Variants in HERC3 observed in about 807,000 individuals in gnomAD.
HERC3 encodes probable E3 ubiquitin-protein ligase HERC3.
HERC3 carries 58 observed loss-of-function variants against 129.9 expected under a neutral mutation model. That is an observed-to-expected ratio of 0.45 (90% confidence interval 0.36 to 0.56). The LOEUF (loss-of-function observed/expected upper bound fraction) is 0.56, where lower values mean the gene tolerates loss of function less well. Among genes scored for constraint, HERC3 ranks in the 20% least tolerant of loss-of-function variants. HERC3 has a pLI of 0.00. For missense variants in HERC3, 835 were observed against 1,244.2 expected, an observed-to-expected ratio of 0.67 and a Z score of 4.95; for synonymous variants, 430 against 451.0, an observed-to-expected ratio of 0.95 and a Z score of 0.59.
In HERC3 at chr4:88,704,532, T is replaced by C. The variant is rs1488269259; in HGVS notation, c.2866T>C (p.Ser956Pro). 1 of 1,611,666 alleles carries C rather than the reference T, an allele frequency of 6.2e-7. No homozygotes were observed. The highest frequency in any genetic ancestry group is 1.7e-5 in the Admixed American group (1 of 60,028). ...EETAIYKGDY[S>P]ATHPTVKLFW... ...GACTGCCATCTACAAGGGAGATTAC[T>C]CGGCCACACATCCCACTGTAAAACT... The change falls in exon 25 of 26, where the codon TCG (serine) becomes CCG (proline). Residue 956 changes from serine to proline, a missense_variant. By Grantham distance (74) the Ser-to-Pro change is moderately conservative. Transcript: ENST00000402738.
At chr4:88,698,617 A>G (rs2924926) in intron 23 of HERC3, among the ~76,000 whole-genome samples, 14,295 of 147,834 alleles carry the variant, frequency 0.097, 1,376 homozygotes, top group African/African-American at 0.25. Flanking sequence ...GCCCCCTCTT[A>G]TCTTGGTTAA....
rs1726689312 is a variant in HERC3, at chr4:88,631,037, T to C, written c.227-18803T>C. 2.6e-5 allele frequency among the ~76,000 whole-genome samples: 4 copies of C among 152,260 alleles called. No individual in the cohort carries two copies. In the South Asian group the frequency reaches 8.3e-4, roughly 31 times the overall value. On this transcript the variant is annotated intron_variant, in intron 3 of 25. Transcript: ENST00000402738. ...AGCTTATTGCATCTGAAAGCATACATAGTAAATTTAGATTTATGGCTTTAA... is the reference window on the plus strand; with the variant it reads ...AGCTTATTGCATCTGAAAGCATACACAGTAAATTTAGATTTATGGCTTTAA...
At chr4:88,543,133 A>T in the HERC3 span, among the ~76,000 whole-genome samples, 1 of 152,232 alleles carries the variant, frequency 6.6e-6, no homozygotes, top group Non-Finnish European at 1.5e-5. Context: ...AATTAGGAAA[A>T]GAGAAAGTCA....
intron 4 of HERC3, among the ~76,000 whole-genome samples, 191 bp from the exon 5 acceptor site, chr4:88,651,821 C>A (rs1434755641): frequency 1.3e-5 from 2 of 152,166 alleles, no homozygotes; most frequent in Admixed American, 6.5e-5. Flanking sequence ...CTCCTGACCT[C>A]AGGTGATAAG....
At chr4:88,696,570 T>A in intron 23 of HERC3, 1 of 152,652 alleles carries the variant, frequency 6.6e-6, no homozygotes, top group South Asian at 2.1e-4. Flanking sequence ...GGAACCATGT[T>A]GTTTCTCTAA....
the HERC3 span, among the ~76,000 whole-genome samples, chr4:88,585,692 A>G: frequency 6.6e-6 from 1 of 152,048 alleles, no homozygotes. Context: ...AATATATGAC[A>G]CCAAACAAAA....
intron 4 of HERC3, 97 bp from the exon 5 acceptor site, chr4:88,651,915 T>G: frequency 1.1e-6 from 1 of 920,424 alleles, no homozygotes. Flanking sequence ...CAAGATGGTG[T>G]TATTTATTAC....
intron 6 of HERC3, 32 bp from the exon 7 acceptor site, chr4:88,654,010 G>A (rs769792269): frequency 2.7e-6 from 4 of 1,464,416 alleles, no homozygotes; most frequent in Admixed American, 1.7e-5. Context: ...AAGGCAAATG[G>A]TAGTGATATT....
At position 88,678,758 on chromosome 4, in the gene HERC3, G is replaced by A. The variant is rs554679004; in HGVS notation, c.2196+624G>A. ...ATATCCCTATTGCTAATCTTGTTAT[G>A]AGTTCCACTTTCAGAAATGTAATAG... On this transcript the variant is annotated intron_variant, in intron 19 of 25. Coordinates refer to ENST00000402738, the MANE Select transcript of HERC3 (RefSeq NM_014606.3). Among the ~76,000 whole-genome samples the A allele has an allele frequency of 3.3e-5, 5 of 152,220 alleles. No homozygotes were observed. In the South Asian group the frequency reaches 1.0e-3, roughly 32 times the overall value.
intron 3 of HERC3, among the ~76,000 whole-genome samples, chr4:88,626,814 A>G (rs1726147169): frequency 1.3e-5 from 2 of 152,090 alleles, no homozygotes; most frequent in Admixed American, 1.3e-4. Flanking sequence ...GTAGATGTTA[A>G]TAAATTTTAT....
Position 88,685,617 on chromosome 4 carries a change from G to A in HERC3, c.2508-1119G>A, listed in dbSNP as rs953285294. On this transcript the variant is annotated intron_variant, in intron 21 of 25. Transcript: ENST00000402738. ...TTTCGGGTGGTGGAGGTGGGAACGG[G>A]AGGGAGAGCATTAGGACAAATACCT... 3.9e-5 allele frequency among the ~76,000 whole-genome samples: 6 copies of A among 152,116 alleles called. No homozygotes were observed. In the East Asian group the frequency reaches 1.2e-3, roughly 29 times the overall value.
intron 12 of HERC3, among the ~76,000 whole-genome samples, chr4:88,665,850 T>C (rs1443106415): frequency 6.6e-6 from 1 of 152,204 alleles, no homozygotes; most frequent in Non-Finnish European, 1.5e-5. Flanking sequence ...AGTTTTTTCC[T>C]CTAGGGAAAG....
At chr4:88,563,157 A>G in the HERC3 span, among the ~76,000 whole-genome samples, 40 of 152,248 alleles carry the variant, frequency 2.6e-4, no homozygotes, top group African/African-American at 9.4e-4. Context: ...TCCAATTTTC[A>G]TGTCCTCCTC....
At chr4:88,617,913 G>A (rs1249949864) in intron 3 of HERC3, among the ~76,000 whole-genome samples, 1 of 152,050 alleles carries the variant, frequency 6.6e-6, no homozygotes, top group East Asian at 1.9e-4. Flanking sequence ...GCAGAAAAGT[G>A]GGGACCATTA....
Position 88,609,464 on chromosome 4 carries a change from G to A in HERC3, c.226+3415G>A, listed in dbSNP as rs978751163. On this transcript the variant is annotated intron_variant, in intron 3 of 25. Coordinates refer to ENST00000402738, the MANE Select transcript of HERC3 (RefSeq NM_014606.3). Reference sequence around the variant, plus strand: ...AGTTTCACCATCCCGTGTAAAGGCTGATACTGTCTCTGGAGTTACAGGGAA... The same window carrying A: ...AGTTTCACCATCCCGTGTAAAGGCTAATACTGTCTCTGGAGTTACAGGGAA... 1.6e-4 allele frequency among the ~76,000 whole-genome samples: 24 copies of A among 152,322 alleles called. 1 individual carries two copies. In the East Asian group the frequency reaches 4.2e-3, roughly 27 times the overall value.
chr4:88,562,619 A>G, the HERC3 span, among the ~76,000 whole-genome samples: 1 of 152,122 alleles, frequency 6.6e-6, no homozygotes, highest in African/African-American at 2.4e-5. Context: ...TTCTTGTAGT[A>G]TTTTTATAGT....
chr4:88,579,219 T>TAAAAAAA, the HERC3 span, among the ~76,000 whole-genome samples: 36 of 116,978 alleles, frequency 3.1e-4, no homozygotes, highest in African/African-American at 1.6e-3. Flanking sequence ...CTGTCTCTAC[T>TAAAAAAA]AAAAAAAAAA....
In HERC3 at chr4:88,706,858, T is replaced by G. The variant is rs1217011540; in HGVS notation, c.3051T>G (p.Thr1017=). The part of the protein sequence containing the change: ...SGEEYLPVAH[T]CYNLLDLPKY... ...AGGAGTACTTGCCGGTGGCCCACAC[T>G]TGCTACAACCTTCTTGACCTCCCCA... Residue 1017 remains threonine, a synonymous_variant, in exon 26 of 26, where the codon ACT becomes ACG. Coordinates refer to ENST00000402738, the MANE Select transcript of HERC3 (RefSeq NM_014606.3). The G allele has an allele frequency of 4.3e-6, 7 of 1,614,120 alleles. No homozygotes were observed. The South Asian group carries it at 7.7e-5, about 18-fold the overall frequency.
chr4:88,550,581 C>T, the HERC3 span, among the ~76,000 whole-genome samples: 19 of 152,054 alleles, frequency 1.2e-4, no homozygotes, highest in South Asian at 6.2e-4. Context: ...TTACAAGGGA[C>T]GTGAAGGACC....
Sources: allele counts gnomAD v4.1 joint callset (sites outside exome capture counted in the v4.1 genomes callset), GRCh38; gene constraint gnomAD v4.1.1; transcripts MANE v1.5; gene names NCBI Gene and HGNC (gene_info 2026-07-23, HGNC 2026-07-21).